The following GTPBP3 variants were observed in gnomAD, a reference collection of about 807,000 sequenced individuals.
GTPBP3 encodes the protein 5-taurinomethyluridine-[tRNA] synthase subunit GTPB3, mitochondrial.
GTPBP3 carries 35 observed loss-of-function variants against 42.0 expected under a neutral mutation model. The ratio of observed to expected loss-of-function variants is 0.83; its 90% CI spans 0.64 to 1.10. GTPBP3 has a LOEUF of 1.10. GTPBP3 is among the 50% of genes least tolerant of loss of function. The pLI is 0.00. For missense variants in GTPBP3, 691 were observed against 685.2 expected, an observed-to-expected ratio of 1.01 and a Z score of -0.09; for synonymous variants, 332 against 314.9, an observed-to-expected ratio of 1.05 and a Z score of -0.58.
At chr19:17,335,914 C>G (rs905748175), upstream of GTPBP3, among the ~76,000 whole-genome samples, 2 of 152,114 alleles carry the variant, frequency 1.3e-5, no homozygotes, top group African/African-American at 4.8e-5. Context: ...AATATGTCAT[C>G]ATTTGTTCCT....
chr19:17,339,405 C>G (rs770089640), intron 6 of GTPBP3, 29 bp from the exon 7 acceptor site: 1 of 1,610,114 alleles, frequency 6.2e-7, no homozygotes, highest in South Asian at 1.1e-5. Context: ...TTGTCTCCAC[C>G]CTCTCCTCTT....
In GTPBP3 at chr19:17,341,943, G is replaced by GA; in HGVS notation, c.*241dup. 1 of 425,368 alleles carries GA rather than the reference G, an allele frequency of 2.4e-6. No homozygotes were observed. Among genetic ancestry groups the GA allele is most frequent in the Non-Finnish European group, 4.1e-6 (1 of 242,210 alleles). The allele number at this position is 425,368 out of a possible 1,614,324, so 26.3% of individuals were successfully genotyped here. Reference sequence around the variant, plus strand: ...CTTGATGCTGGGGCATCCGGGTTGGGATGGAGATAGGAGGATCTCAGTATA... The same window carrying GA: ...CTTGATGCTGGGGCATCCGGGTTGGGAATGGAGATAGGAGGATCTCAGTATA... On this transcript the variant is annotated 3_prime_UTR_variant, in exon 9 of 9. Coordinates refer to ENST00000324894, the MANE Select transcript of GTPBP3 (RefSeq NM_032620.4).
At chr19:17,340,905 C>A in intron 7 of GTPBP3, 139 bp from the exon 8 acceptor site, 1 of 913,088 alleles carries the variant, frequency 1.1e-6, no homozygotes, top group Non-Finnish European at 1.6e-6. Flanking sequence ...TGCCGGTCCC[C>A]TGGTACTCTA....
upstream of GTPBP3, chr19:17,337,551 C>T (rs2145698789): frequency 7.7e-7 from 1 of 1,299,342 alleles, no homozygotes; most frequent in Non-Finnish European, 9.8e-7. Flanking sequence ...GGGCGGGGCC[C>T]CCTGCCCAGA....
upstream of GTPBP3, chr19:17,335,000 A>T: frequency 6.5e-7 from 1 of 1,535,556 alleles, no homozygotes; most frequent in Non-Finnish European, 8.7e-7. Context: ...CCCCGCCCGC[A>T]CTGATGGTGC....
rs994904423 is a variant in GTPBP3, at chr19:17,338,018, C to A, written c.64C>A (p.Arg22Ser). 1 of 1,597,680 alleles carries A rather than the reference C, an allele frequency of 6.3e-7. No homozygotes were observed. The highest frequency in any genetic ancestry group is 1.3e-5 in the African/African-American group (1 of 74,884). Reference protein sequence around the residue: ...AARGPRRLCTRRSSGAPAPGS... With the variant: ...AARGPRRLCTSRSSGAPAPGS... Reference sequence around the variant, plus strand: ...CCCCTCCGGTTCCAGATTGTGCACGCGCCGGAGCAGCGGCGCACCAGCCCC... The same window carrying A: ...CCCCTCCGGTTCCAGATTGTGCACGAGCCGGAGCAGCGGCGCACCAGCCCC... The change falls in exon 2 of 9, where the codon CGC becomes AGC. Residue 22 changes from arginine (R) to serine (S), a missense_variant. Arg to Ser is a moderately radical substitution (Grantham distance 110). Coordinates refer to ENST00000324894, the MANE Select transcript of GTPBP3 (RefSeq NM_032620.4).
intron 7 of GTPBP3, among the ~76,000 whole-genome samples, chr19:17,339,980 C>G (rs539163620): frequency 1.3e-5 from 2 of 150,370 alleles, no homozygotes; most frequent in Non-Finnish European, 3.0e-5. Context: ...TGGTCTCTAA[C>G]TCCTGAGCCT....
Position 17,340,160 on chromosome 19 carries a change from G to T in GTPBP3, c.974+561G>T, listed in dbSNP as rs574008263. ...AGTGATTCTTCTGCCTGGGCCTCCCGAGTAGCTGGGATTAGAGGCGCCCAC... is the reference window on the plus strand; with the variant it reads ...AGTGATTCTTCTGCCTGGGCCTCCCTAGTAGCTGGGATTAGAGGCGCCCAC... On this transcript the variant is annotated intron_variant, in intron 7 of 8. Transcript: ENST00000324894. Among the ~76,000 whole-genome samples, 6 of 151,848 alleles carry T rather than the reference G, an allele frequency of 4.0e-5. No homozygotes were observed. In the South Asian group the frequency reaches 1.2e-3, roughly 32 times the overall value.
In GTPBP3 at chr19:17,342,680, AAT is replaced by A. The variant is rs1208261736; in HGVS notation, c.*980_*981del. 2 of 152,156 alleles carry A rather than the reference AAT, an allele frequency of 1.3e-5. No homozygotes were observed. The highest frequency in any genetic ancestry group is 4.8e-5 in the African/African-American group (2 of 41,442). The allele number at this position is 152,156 out of a possible 1,614,324, so 9.4% of individuals were successfully genotyped here. ...TGCATACTTGTGGATGTACCTTTCA[AAT>A]ATGTTTGTCTTGTGTATCATATATA... On this transcript the variant is annotated 3_prime_UTR_variant, in exon 9 of 9. Coordinates refer to ENST00000324894, the MANE Select transcript of GTPBP3 (RefSeq NM_032620.4).
rs144535728 is a variant in GTPBP3, at chr19:17,340,860, C to T, written c.975-184C>T. 498 of 605,496 alleles carry T rather than the reference C, an allele frequency of 8.2e-4. 2 individuals carry two copies. The highest frequency in any genetic ancestry group is 7.4e-3 in the African/African-American group (391 of 53,164). The allele number at this position is 605,496 out of a possible 1,614,324, so 37.5% of individuals were successfully genotyped here. A position where few individuals can be genotyped will look rare whatever the true frequency, so the allele number is the denominator to read the frequency against. On this transcript the variant is annotated intron_variant, in intron 7 of 8. Transcript: ENST00000324894. ...TGTGCCCCGCCCCTCTTGCTCTGCC[C>T]CACCCCCTGTGCTCGGCTTGGGCCC...
rs750517470 is a variant in GTPBP3 at position 17,338,544 on chromosome 19, G to A, written c.394G>A (p.Val132Met). 1.9e-6 allele frequency: 3 copies of A among 1,613,630 alleles called. No homozygotes were observed. The highest frequency in any genetic ancestry group is 1.7e-4 in the Middle Eastern group (1 of 6,060). ...AGACTGGGACCTTCCTGCAGGCAGC[G>A]TGCCAGGGCTTCGACCGGCGGAGGC... The part of the protein sequence containing the change: ...VSGVLQALGS[V>M]PGLRPAEAGE... The change falls in exon 4 of 9, where the codon GTG becomes ATG. Residue 132 changes from valine to methionine, a missense_variant. Transcript: ENST00000324894.
rs2074439797 is a variant in GTPBP3, at chr19:17,342,134, C to G, written c.*431C>G. ...TCCCCTTCCCCTACCCTTCCCTCCT[C>G]TGTCTATTGCCCAGGCTGGAGTGCA... On this transcript the variant is annotated 3_prime_UTR_variant, in exon 9 of 9. Coordinates refer to ENST00000324894, the MANE Select transcript of GTPBP3 (RefSeq NM_032620.4). 6.5e-6 allele frequency: 1 copy of G among 153,506 alleles called. No individual in the cohort carries two copies. Among genetic ancestry groups the G allele is most frequent in the Non-Finnish European group, 1.4e-5 (1 of 69,654 alleles). 9.5% of individuals were successfully genotyped at this position (153,506 alleles called of 1,614,324 possible).
rs2074436254 is a variant in GTPBP3, at chr19:17,341,837, C to T, written c.*134C>T. 1 of 772,494 alleles carries T rather than the reference C, an allele frequency of 1.3e-6. No homozygotes were observed. The highest frequency in any genetic ancestry group is 2.0e-6 in the Non-Finnish European group (1 of 492,492). 47.9% of individuals were successfully genotyped at this position (772,494 alleles called of 1,614,324 possible). A position where few individuals can be genotyped will look rare whatever the true frequency, so the allele number is the denominator to read the frequency against. ...ATTCTCAAATAGTGAAGCAACACAG[C>T]TGAGAGGTAGTGAGATCCCTGCAGG... On this transcript the variant is annotated 3_prime_UTR_variant, in exon 9 of 9. Coordinates refer to ENST00000324894, the MANE Select transcript of GTPBP3 (RefSeq NM_032620.4).
Position 17,338,216 on chromosome 19 carries a change from G to T in GTPBP3, c.262G>T (p.Gly88Trp), listed in dbSNP as rs780408730. Residue 88 changes from glycine (G) to tryptophan (W), a missense_variant, in exon 2 of 9, where the codon GGG (glycine) becomes TGG (tryptophan). Transcript: ENST00000324894. ...GCGCCTGCTCAGCGATCCCCGCTCC[G>T]GGGAGCCTCTGGACCGCGCACTGGT... ...SLRLLSDPRS[G>W]EPLDRALVLW... The T allele has an allele frequency of 6.3e-7, 1 of 1,583,208 alleles. No individual in the cohort carries two copies. The highest frequency in any genetic ancestry group is 8.5e-7 in the Non-Finnish European group (1 of 1,170,608).
chr19:17,341,596 G>A lies in GTPBP3; in HGVS notation c.1372G>A (p.Ala458Thr). Residue 458 changes from alanine to threonine, a missense_variant, in exon 9 of 9, where the codon GCA becomes ACA. Physicochemically the swap from Ala to Thr is moderately conservative, Grantham distance 58. Coordinates refer to ENST00000324894, the MANE Select transcript of GTPBP3 (RefSeq NM_032620.4). ...GCAGTCAAAAGACCTGGCCCTGGCG[G>A]CAGAGGCGCTGCGGGTGGCCCGGGG... Reference protein sequence around the residue: ...YKQSKDLALAAEALRVARGHL... With the variant: ...YKQSKDLALATEALRVARGHL... 1 of 1,613,890 alleles carries A rather than the reference G, an allele frequency of 6.2e-7. No homozygotes were observed. Among genetic ancestry groups the A allele is most frequent in the Non-Finnish European group, 8.5e-7 (1 of 1,179,972 alleles).
rs5827368 is a variant in GTPBP3 at position 17,342,049 on chromosome 19, T to TCTTCC, written c.*365_*369dup. ...TCAGGTGATCTAGAAGTGTTTATTTTCTTCCCTTCCCTTCCCTTCCCTTTC... is the reference window on the plus strand; with the variant it reads ...TCAGGTGATCTAGAAGTGTTTATTTTCTTCCCTTCCCTTCCCTTCCCTTCCCTTTC... On this transcript the variant is annotated 3_prime_UTR_variant, in exon 9 of 9. Coordinates refer to ENST00000324894, the MANE Select transcript of GTPBP3 (RefSeq NM_032620.4). 4.5e-5 allele frequency: 9 copies of TCTTCC among 201,446 alleles called. No homozygotes were observed. The highest frequency in any genetic ancestry group is 1.9e-4 in the South Asian group (1 of 5,264). The allele number at this position is 201,446 out of a possible 1,614,324, so 12.5% of individuals were successfully genotyped here. A position where few individuals can be genotyped will look rare whatever the true frequency, so the allele number is the denominator to read the frequency against.
chr19:17,337,687 G>A, intron 1 of GTPBP3, 23 bp downstream of exon 1: 2 of 1,368,550 alleles, frequency 1.5e-6, no homozygotes, highest in Non-Finnish European at 1.9e-6. Flanking sequence ...GGGAAGGGGT[G>A]CGACAGCTTG....
rs754158120 is a variant in GTPBP3 at position 17,338,217 on chromosome 19, G to C, written c.263G>C (p.Gly88Ala). 8.8e-6 allele frequency: 14 copies of C among 1,582,600 alleles called. No individual in the cohort carries two copies. The Middle Eastern group carries it at 6.6e-4, about 75-fold the overall frequency. ...CGCCTGCTCAGCGATCCCCGCTCCG[G>C]GGAGCCTCTGGACCGCGCACTGGTG... ...SLRLLSDPRS[G>A]EPLDRALVLW... Residue 88 changes from glycine to alanine, a missense_variant, in exon 2 of 9, where the codon GGG (glycine) becomes GCG (alanine). Physicochemically the swap from Gly to Ala is moderately conservative, Grantham distance 60 (BLOSUM62 0). Transcript: ENST00000324894.
chr19:17,339,226 A>AC lies in GTPBP3; in HGVS notation c.774dup (p.Asn259GlnfsTer28), dbSNP rs2074402232. 6.8e-6 allele frequency: 11 copies of AC among 1,610,412 alleles called. No homozygotes were observed. Among genetic ancestry groups the AC allele is most frequent in the South Asian group, 2.2e-5 (2 of 90,986 alleles). ...CAGGGGTGCACGTAGTGGTCACTGG[A>AC]CCCCCCAATGCGGGCAAGAGCAGCC... On this transcript the variant is annotated frameshift_variant, in exon 6 of 9. Transcript: ENST00000324894. LOFTEE classifies it high-confidence loss of function.
Sources: gnomAD v4.1 joint callset for allele counts (sites outside exome capture counted in the v4.1 genomes callset) on GRCh38, gnomAD v4.1.1 for gene constraint, MANE v1.5 for transcripts, NCBI Gene and HGNC (gene_info 2026-07-23, HGNC 2026-07-21) for gene names.